The following GLIS3 variants were observed in gnomAD, a reference collection of about 807,000 sequenced individuals.
GLIS3 encodes GLIS family zinc finger 3, also known as zinc finger protein GLIS3.
A neutral mutation model predicts 78.6 loss-of-function variants in GLIS3; 53 were observed. That is an observed-to-expected ratio of 0.67 (90% confidence interval 0.54 to 0.85). GLIS3 has a LOEUF of 0.85. Ranked by LOEUF, GLIS3 falls within the 40% of genes least tolerant of loss-of-function variation. The probability of loss-of-function intolerance (pLI) is 0.00; values close to 1 mark genes in which losing one functional copy is unlikely to be tolerated. For synonymous variants in GLIS3, 684 were observed against 509.9 expected, an observed-to-expected ratio of 1.34 and a Z score of -4.60; for missense variants, 1,703 against 1,231.1, an observed-to-expected ratio of 1.38 and a Z score of -5.74.
At chr9:4,072,656 C>T (rs140693476) in intron 4 of GLIS3, among the ~76,000 whole-genome samples, 1 of 151,810 alleles carries the variant, frequency 6.6e-6, no homozygotes, top group Non-Finnish European at 1.5e-5. Flanking sequence ...AAAAGTTTAG[C>T]CAAGCATGAA....
At chr9:4,174,768 G>A (rs546449729) in intron 2 of GLIS3, among the ~76,000 whole-genome samples, 1 of 152,166 alleles carries the variant, frequency 6.6e-6, no homozygotes, top group South Asian at 2.1e-4. Context: ...TCAGGTTCGC[G>A]GGCTATATTC....
At chr9:4,114,329 T>C (rs545614089) in intron 4 of GLIS3, among the ~76,000 whole-genome samples, 1 of 152,314 alleles carries the variant, frequency 6.6e-6, no homozygotes, top group African/African-American at 2.4e-5. Context: ...CCATTCACTA[T>C]GGATATTGTT....
the GLIS3 span, among the ~76,000 whole-genome samples, chr9:4,366,543 T>C: frequency 6.6e-6 from 1 of 152,212 alleles, no homozygotes; most frequent in Non-Finnish European, 1.5e-5. Flanking sequence ...AGAAGGAACG[T>C]TCCATTCCAC....
At chr9:4,004,623 T>C (rs1357321590) in intron 4 of GLIS3, among the ~76,000 whole-genome samples, 1 of 152,124 alleles carries the variant, frequency 6.6e-6, no homozygotes, top group African/African-American at 2.4e-5. Context: ...CTATGGCATA[T>C]CCAGGGCCAG....
chr9:4,289,612 T>A (rs899700322), intron 1 of GLIS3, among the ~76,000 whole-genome samples: 2 of 151,992 alleles, frequency 1.3e-5, no homozygotes, highest in Non-Finnish European at 2.9e-5. Context: ...CTAGTCAGCA[T>A]TTTCTCCTCT....
chr9:3,953,320 T>C (rs918675621), intron 4 of GLIS3, among the ~76,000 whole-genome samples: 2 of 152,252 alleles, frequency 1.3e-5, no homozygotes, highest in South Asian at 2.1e-4. Context: ...CACTTAAGTA[T>C]TTATAATATA....
At chr9:3,890,547 G>A (rs1822362609) in intron 7 of GLIS3, among the ~76,000 whole-genome samples, 1 of 152,044 alleles carries the variant, frequency 6.6e-6, no homozygotes, top group African/African-American at 2.4e-5. Context: ...CCAATTGCCG[G>A]GGAGTGTACT....
chr9:4,412,575 G>A, the GLIS3 span, among the ~76,000 whole-genome samples: 1 of 152,136 alleles, frequency 6.6e-6, no homozygotes, highest in Non-Finnish European at 1.5e-5. Flanking sequence ...TATATCCCCA[G>A]AAACTAGGAT....
the GLIS3 span, among the ~76,000 whole-genome samples, chr9:4,375,622 T>G: frequency 1.3e-5 from 2 of 152,198 alleles, no homozygotes; most frequent in Non-Finnish European, 2.9e-5. Context: ...AACAACTAAG[T>G]AGAACTACAC....
intron 2 of GLIS3, among the ~76,000 whole-genome samples, chr9:4,333,952 T>C (rs531289178): frequency 1.3e-5 from 2 of 152,312 alleles, no homozygotes; most frequent in Non-Finnish European, 2.9e-5. Flanking sequence ...TGCCACCTTG[T>C]CTGCTCTGAT....
intron 2 of GLIS3, among the ~76,000 whole-genome samples, chr9:4,158,412 C>T (rs767578480): frequency 3.9e-5 from 6 of 152,090 alleles, no homozygotes; most frequent in Non-Finnish European, 8.8e-5. Context: ...CTGAATACCA[C>T]GATGAAGTGG....
chr9:4,283,328 C>T (rs980341054), intron 2 of GLIS3, among the ~76,000 whole-genome samples: 6 of 150,770 alleles, frequency 4.0e-5, no homozygotes, highest in African/African-American at 1.5e-4. Flanking sequence ...TGCAATGGCG[C>T]AATCTCTGCT....
chr9:4,098,267 C>G (rs1830113218), intron 4 of GLIS3, among the ~76,000 whole-genome samples: 1 of 152,126 alleles, frequency 6.6e-6, no homozygotes, highest in African/African-American at 2.4e-5. Flanking sequence ...AATCTTGCAG[C>G]AACACAAAGC....
the GLIS3 span, among the ~76,000 whole-genome samples, chr9:4,369,669 G>A: frequency 2.0e-5 from 3 of 152,140 alleles, no homozygotes; most frequent in Admixed American, 6.5e-5. Context: ...GGAGGATTAT[G>A]ATATAACAAT....
intron 7 of GLIS3, among the ~76,000 whole-genome samples, chr9:3,883,272 A>G (rs1322537698): frequency 6.6e-6 from 1 of 152,216 alleles, no homozygotes; most frequent in Admixed American, 6.5e-5. Context: ...ACTACAGTCT[A>G]GGAATATTCT....
chr9:3,866,842 T>C (rs1171337867), intron 8 of GLIS3, among the ~76,000 whole-genome samples: 2 of 152,160 alleles, frequency 1.3e-5, no homozygotes, highest in Non-Finnish European at 2.9e-5. Flanking sequence ...TCTTGTGGTG[T>C]AGAGCAGTGC....
At chr9:3,974,436 A>G (rs1818616668) in intron 4 of GLIS3, among the ~76,000 whole-genome samples, 1 of 152,196 alleles carries the variant, frequency 6.6e-6, no homozygotes, top group Non-Finnish European at 1.5e-5. Flanking sequence ...AGTAAGTTCC[A>G]TAAAGAAACT....
At chr9:4,378,194 G>A in the GLIS3 span, among the ~76,000 whole-genome samples, 3 of 152,252 alleles carry the variant, frequency 2.0e-5, no homozygotes, top group East Asian at 5.8e-4. Flanking sequence ...CATTTACTAT[G>A]TGCCAGATAC....
intron 4 of GLIS3, among the ~76,000 whole-genome samples, chr9:3,998,669 T>G (rs894195801): frequency 1.1e-4 from 16 of 151,460 alleles, no homozygotes; most frequent in Admixed American, 4.6e-4. Context: ...GTAATCTATT[T>G]GATATACAGT....
Sources: allele counts gnomAD v4.1 joint callset (sites outside exome capture counted in the v4.1 genomes callset), GRCh38; gene constraint gnomAD v4.1.1; transcripts MANE v1.5; gene names NCBI Gene and HGNC (gene_info 2026-07-23, HGNC 2026-07-21).